The following GTF2IRD1 variants were observed in gnomAD, a reference collection of about 807,000 sequenced individuals.
GTF2IRD1 encodes GTF2I repeat domain containing 1, also known as general transcription factor II-I repeat domain-containing protein 1.
Under a neutral mutation model 113.2 loss-of-function variants are expected in GTF2IRD1, and 26 were observed. That is an observed-to-expected ratio of 0.23 (90% confidence interval 0.17 to 0.32). GTF2IRD1 has a LOEUF of 0.32. Ranked by LOEUF, GTF2IRD1 falls within the 10% of genes least tolerant of loss-of-function variation. GTF2IRD1 has a pLI of 1.00. For synonymous variants in GTF2IRD1, 484 were observed against 529.1 expected (o/e 0.91, Z 1.17); for missense variants, 864 against 1,280.8 (o/e 0.67, Z 4.97).
At chr7:74,569,346 T>C (rs1800544394) in intron 22 of GTF2IRD1, among the ~76,000 whole-genome samples, 1 of 152,170 alleles carries the variant, frequency 6.6e-6, no homozygotes, top group Non-Finnish European at 1.5e-5. Flanking sequence ...TTCCTTCCCA[T>C]TTTGTAACTG....
intron 25 of GTF2IRD1, chr7:74,595,940 G>A (rs1398234111): frequency 6.6e-6 from 1 of 152,248 alleles, no homozygotes; most frequent in Non-Finnish European, 1.5e-5. Flanking sequence ...TAGGCACCTG[G>A]GGGCCGCCTG....
intron 17 of GTF2IRD1, among the ~76,000 whole-genome samples, chr7:74,552,181 T>C (rs587692544): frequency 5.9e-5 from 9 of 151,958 alleles, no homozygotes; most frequent in South Asian, 4.2e-4. Flanking sequence ...GCTCAGGAGT[T>C]TGTGACCAGC....
intron 20 of GTF2IRD1, 66 bp downstream of exon 20, chr7:74,557,788 C>G: frequency 1.0e-6 from 1 of 964,740 alleles, no homozygotes; most frequent in Non-Finnish European, 1.6e-6. Context: ...GGGAGGCTTC[C>G]CAGTTCCAGC....
chr7:74,496,164 T>C (rs1554337837), intron 1 of GTF2IRD1, among the ~76,000 whole-genome samples: 1 of 151,504 alleles, frequency 6.6e-6, no homozygotes, highest in Non-Finnish European at 1.5e-5. Context: ...CACAAGTACG[T>C]GTATGTGTGT....
At chr7:74,596,992 G>A (rs1802456783) in intron 25 of GTF2IRD1, among the ~76,000 whole-genome samples, 1 of 152,074 alleles carries the variant, frequency 6.6e-6, no homozygotes. Flanking sequence ...GTTTAAGGCT[G>A]CAGTGAGCTA....
intron 17 of GTF2IRD1, among the ~76,000 whole-genome samples, chr7:74,550,809 G>A (rs1799262851): frequency 1.3e-5 from 2 of 149,068 alleles, no homozygotes; most frequent in African/African-American, 5.0e-5. Context: ...CAGGAGGGTC[G>A]CTTGAGGCCA....
intron 4 of GTF2IRD1, 33 bp downstream of exon 4, chr7:74,515,629 C>G: frequency 6.3e-7 from 1 of 1,583,346 alleles, no homozygotes; most frequent in Non-Finnish European, 8.6e-7. Context: ...TTGGGGGCCC[C>G]AGGGAGGGTG....
At chr7:74,526,774 TG>T (rs1189332321) in intron 8 of GTF2IRD1, among the ~76,000 whole-genome samples, 1 of 103,078 alleles carries the variant, frequency 9.7e-6, no homozygotes, top group Non-Finnish European at 2.0e-5. Flanking sequence ...GGGCTGGGGC[TG>T]GGGGTGGCTG....
At chr7:74,513,879 G>C (rs1361015304) in intron 3 of GTF2IRD1, among the ~76,000 whole-genome samples, 1 of 152,126 alleles carries the variant, frequency 6.6e-6, no homozygotes, top group Non-Finnish European at 1.5e-5. Context: ...CAGGCTTGAT[G>C]GTGTACACCT....
Position 74,563,124 on chromosome 7 carries a change from G to C in GTF2IRD1, c.2320+3469G>C, listed in dbSNP as rs587748871. 6.7e-4 allele frequency among the ~76,000 whole-genome samples: 102 copies of C among 152,046 alleles called. 1 individual carries two copies. Among genetic ancestry groups the C allele is most frequent in the Middle Eastern group, 6.8e-3 (2 of 294 alleles). On this transcript the variant is annotated intron_variant, in intron 22 of 26. Transcript: ENST00000424337. ...GACACTTCCACACCGCAGAGAGACT[G>C]AGCATGAGAAGGTCCGTGCTTGAAA...
chr7:74,509,522 ACT>A (rs1185498792), intron 2 of GTF2IRD1, among the ~76,000 whole-genome samples: 58 of 151,710 alleles, frequency 3.8e-4, no homozygotes, highest in African/African-American at 1.2e-3. Context: ...AACAGAGGAG[ACT>A]CTCTCAATTA....
intron 22 of GTF2IRD1, among the ~76,000 whole-genome samples, chr7:74,576,262 A>C (rs1205321355): frequency 6.6e-6 from 1 of 151,886 alleles, no homozygotes; most frequent in African/African-American, 2.4e-5. Flanking sequence ...TTCCAAGGCT[A>C]ATGTCAAGGT....
chr7:74,524,479 C>T (rs1041982767), intron 8 of GTF2IRD1, among the ~76,000 whole-genome samples: 3 of 152,198 alleles, frequency 2.0e-5, no homozygotes, highest in Non-Finnish European at 4.4e-5. Context: ...CATCCCAGCA[C>T]TTTGGGAGGC....
intron 25 of GTF2IRD1, 192 bp from the exon 26 acceptor site, chr7:74,600,852 G>T: frequency 1.6e-6 from 1 of 619,396 alleles, no homozygotes; most frequent in Non-Finnish European, 2.8e-6. Flanking sequence ...TGGGCCCTCG[G>T]GCTTGCTTTG....
chr7:74,492,923 T>G (rs1286425060), intron 1 of GTF2IRD1, among the ~76,000 whole-genome samples: 1 of 152,032 alleles, frequency 6.6e-6, no homozygotes, highest in Non-Finnish European at 1.5e-5. Flanking sequence ...GGATGTCCAG[T>G]CTTCCTCTAC....
chr7:74,530,107 C>T (rs139972438), intron 9 of GTF2IRD1, among the ~76,000 whole-genome samples, 190 bp downstream of exon 9: 2,502 of 152,036 alleles, frequency 0.016, 66 homozygotes, highest in Admixed American at 0.05. Flanking sequence ...CTACTTGGGA[C>T]GCTGAGGCAG....
intron 22 of GTF2IRD1, among the ~76,000 whole-genome samples, chr7:74,560,743 G>A (rs1476306672): frequency 4.0e-5 from 6 of 151,710 alleles, no homozygotes; most frequent in South Asian, 2.1e-4. Flanking sequence ...CACCATGCCC[G>A]GCTAATTTTT....
At chr7:74,457,276 C>T (rs1181638842) in intron 1 of GTF2IRD1, among the ~76,000 whole-genome samples, 1 of 152,118 alleles carries the variant, frequency 6.6e-6, no homozygotes, top group Non-Finnish European at 1.5e-5. Context: ...AGGAGTGAAC[C>T]ACCGCGCCTA....
chr7:74,546,068 T>C (rs1225707647), intron 16 of GTF2IRD1, among the ~76,000 whole-genome samples: 3 of 151,914 alleles, frequency 2.0e-5, no homozygotes, highest in African/African-American at 7.3e-5. Context: ...CCCTCCCCTG[T>C]AATGTCGCCA....
Sources: allele counts gnomAD v4.1 joint callset (sites outside exome capture counted in the v4.1 genomes callset), GRCh38; gene constraint gnomAD v4.1.1; transcripts MANE v1.5; gene names NCBI Gene and HGNC (gene_info 2026-07-23, HGNC 2026-07-21).